TOGARAM1: variants seen among roughly 807,000 people sequenced by gnomAD.
TOGARAM1 encodes TOG array regulator of axonemal microtubules protein 1.
Under a neutral mutation model 166.6 loss-of-function variants are expected in TOGARAM1, and 100 were observed. The observed-to-expected ratio is 0.60, with a 90% confidence interval of 0.51 to 0.71. The LOEUF (loss-of-function observed/expected upper bound fraction) is 0.71, where lower values mean the gene tolerates loss of function less well. Ranked by LOEUF, TOGARAM1 falls within the 30% of genes least tolerant of loss-of-function variation. The probability of loss-of-function intolerance (pLI) is 0.00; values close to 1 mark genes in which losing one functional copy is unlikely to be tolerated. For missense variants in TOGARAM1, 2,029 were observed against 2,102.7 expected, an observed-to-expected ratio of 0.96 and a Z score of 0.69; for synonymous variants, 758 against 763.8, an observed-to-expected ratio of 0.99 and a Z score of 0.13.
chr14:44,974,280 A>G (rs1349906263), intron 1 of TOGARAM1, among the ~76,000 whole-genome samples: 4 of 151,836 alleles, frequency 2.6e-5, no homozygotes, highest in Non-Finnish European at 4.4e-5. Context: ...AGCTATGTCC[A>G]GTTTACTAAT....
At chr14:45,024,050 A>G (rs765335442) in intron 7 of TOGARAM1, among the ~76,000 whole-genome samples, 9 of 152,114 alleles carry the variant, frequency 5.9e-5, no homozygotes, top group Non-Finnish European at 1.3e-4. Context: ...CCCATAGCAT[A>G]ACTTTTAAGA....
At chr14:45,025,650 C>T (rs72672911) in intron 7 of TOGARAM1, 133 bp from the exon 8 acceptor site, 34 of 550,744 alleles carry the variant, frequency 6.2e-5, no homozygotes, top group African/African-American at 4.1e-4. Flanking sequence ...ACTTAATGAA[C>T]GTGTGAATAA....
rs760719137 is a variant in TOGARAM1 at position 44,963,068 on chromosome 14, G to A, written c.647G>A (p.Arg216Lys). 6.2e-7 allele frequency: 1 copy of A among 1,614,174 alleles called. No individual in the cohort carries two copies. The highest frequency in any genetic ancestry group is 1.1e-5 in the South Asian group (1 of 91,084). ...CLKRSPGEVL[R>K]TLIQQGLEST... ...AAACGTAGTCCTGGAGAGGTGCTGA[G>A]AACGCTTATACAACAAGGACTGGAA... Residue 216 changes from arginine to lysine, a missense_variant, in exon 1 of 20, where the codon AGA becomes AAA. Arg to Lys is a conservative substitution (Grantham distance 26). Around this residue, in one of 2 missense-constraint regions of TOGARAM1, gnomAD observed 1,453 missense variants for 1,432.2 expected, o/e 1.01. Coordinates refer to ENST00000361462, the MANE Select transcript of TOGARAM1 (RefSeq NM_001308120.2).
At chr14:44,979,911 T>C (rs1443884411) in intron 1 of TOGARAM1, among the ~76,000 whole-genome samples, 1 of 152,190 alleles carries the variant, frequency 6.6e-6, no homozygotes, top group African/African-American at 2.4e-5. Flanking sequence ...TAAGGCATGA[T>C]ACAAGAGTGT....
At chr14:44,967,819 C>T (rs1184642189) in intron 1 of TOGARAM1, among the ~76,000 whole-genome samples, 2 of 152,060 alleles carry the variant, frequency 1.3e-5, no homozygotes, top group Non-Finnish European at 2.9e-5. Context: ...CTCTATGGTT[C>T]CTTTCAATCC....
intron 1 of TOGARAM1, among the ~76,000 whole-genome samples, chr14:44,971,604 T>G (rs981638302): frequency 6.6e-6 from 1 of 152,210 alleles, no homozygotes; most frequent in African/African-American, 2.4e-5. Context: ...TTTAATTTGC[T>G]CTTCCTTTGT....
chr14:44,998,695 A>G (rs1262051546), intron 2 of TOGARAM1, among the ~76,000 whole-genome samples: 9 of 152,220 alleles, frequency 5.9e-5, no homozygotes, highest in Admixed American at 4.6e-4. Context: ...GCTTGATATG[A>G]TAGGGAGAGA....
intron 10 of TOGARAM1, among the ~76,000 whole-genome samples, chr14:45,031,806 A>G (rs1396498342): frequency 1.3e-5 from 2 of 152,210 alleles, no homozygotes; most frequent in African/African-American, 4.8e-5. Flanking sequence ...TAATAGTACT[A>G]AGTTTCCATA....
intron 14 of TOGARAM1, among the ~76,000 whole-genome samples, chr14:45,052,024 A>G (rs8006685): frequency 0.16 from 24,805 of 152,192 alleles, 3,697 homozygotes; most frequent in African/African-American, 0.4. Flanking sequence ...GCCTACGCTT[A>G]GACAGAATCA....
intron 1 of TOGARAM1, among the ~76,000 whole-genome samples, chr14:44,971,219 A>T (rs1477201057): frequency 5.3e-5 from 8 of 152,144 alleles, no homozygotes; most frequent in Non-Finnish European, 1.0e-4. Flanking sequence ...GTTATTAATT[A>T]TTCAGTTTCT....
intron 14 of TOGARAM1, among the ~76,000 whole-genome samples, chr14:45,047,101 C>T (rs902787122): frequency 1.2e-4 from 19 of 152,056 alleles, no homozygotes; most frequent in African/African-American, 3.4e-4. Context: ...ATGAAAAATA[C>T]AGGAATAAGG....
chr14:45,005,341 C>T (rs1030349288), intron 4 of TOGARAM1, among the ~76,000 whole-genome samples: 8 of 152,122 alleles, frequency 5.3e-5, no homozygotes, highest in African/African-American at 1.9e-4. Context: ...AAAAAGTCGA[C>T]TGAGCGTAGT....
At position 45,052,522 on chromosome 14, in the gene TOGARAM1, T is replaced by C; in HGVS notation, c.4400T>C (p.Leu1467Ser). 1 of 1,612,404 alleles carries C rather than the reference T, an allele frequency of 6.2e-7. No individual in the cohort carries two copies. The highest frequency in any genetic ancestry group is 8.5e-7 in the Non-Finnish European group (1 of 1,179,142). Residue 1467 changes from leucine to serine, a missense_variant, in exon 15 of 20, where the codon TTG (leucine) becomes TCG (serine). This residue lies in a region of TOGARAM1 where 576 missense variants were observed against 670.5 expected (regional missense o/e 0.86). Coordinates refer to ENST00000361462, the MANE Select transcript of TOGARAM1 (RefSeq NM_001308120.2). ...GAAAAGTATGTCCCATCTAAAGATTTGCCATATATTAAGGACTCTGTTAGA... is the reference window on the plus strand; with the variant it reads ...GAAAAGTATGTCCCATCTAAAGATTCGCCATATATTAAGGACTCTGTTAGA... ...MLEKYVPSKD[L>S]PYIKDSVRNL...
rs371253230 is a variant in TOGARAM1, at chr14:44,964,351, A to C, written c.1930A>C (p.Ile644Leu). 3.7e-6 allele frequency: 6 copies of C among 1,614,198 alleles called. No homozygotes were observed. The highest frequency in any genetic ancestry group is 5.1e-6 in the Non-Finnish European group (6 of 1,180,040). Residue 644 changes from isoleucine (I) to leucine (L), a missense_variant, in exon 1 of 20, where the codon ATC becomes CTC. By Grantham distance (5) the Ile-to-Leu change is conservative (BLOSUM62 2). This residue lies in a region of TOGARAM1 where 1,453 missense variants were observed against 1,432.2 expected (regional missense o/e 1.01). Transcript: ENST00000361462. ...CATTTATGGATCTTACAGCCCAACTATCTGTACCCGAAGGGTATTAAGTGC... is the reference window on the plus strand; with the variant it reads ...CATTTATGGATCTTACAGCCCAACTCTCTGTACCCGAAGGGTATTAAGTGC... ...MHIYGSYSPT[I>L]CTRRVLSAGK...
chr14:44,995,701 G>A (rs1397931898), intron 1 of TOGARAM1, 45 bp from the exon 2 acceptor site: 1 of 1,351,290 alleles, frequency 7.4e-7, no homozygotes, highest in Non-Finnish European at 1.0e-6. Context: ...TTATTACCAG[G>A]AAGAATTAAC....
At chr14:44,974,560 T>C (rs1395210494) in intron 1 of TOGARAM1, among the ~76,000 whole-genome samples, 1 of 152,092 alleles carries the variant, frequency 6.6e-6, no homozygotes, top group African/African-American at 2.4e-5. Flanking sequence ...TGCCTTATTA[T>C]TTTTTGTTGA....
At chr14:45,001,652 T>C (rs1887694888) in intron 3 of TOGARAM1, among the ~76,000 whole-genome samples, 1 of 152,170 alleles carries the variant, frequency 6.6e-6, no homozygotes, top group Non-Finnish European at 1.5e-5. Context: ...TATGAAAAGC[T>C]CAACATCACT....
At chr14:45,005,688 C>T (rs1362483443) in intron 4 of TOGARAM1, among the ~76,000 whole-genome samples, 3 of 152,092 alleles carry the variant, frequency 2.0e-5, no homozygotes, top group Non-Finnish European at 4.4e-5. Flanking sequence ...TTTCTTTCCC[C>T]AGCCATTGAT....
rs145009602 is a variant in TOGARAM1, at chr14:45,030,734, G to A, written c.3659-1489G>A. ...CATATTTTACCTTTTTACATTTTTT[G>A]TTAGATATATGATGAATTTTTTGAA... On this transcript the variant is annotated intron_variant, in intron 10 of 19. Coordinates refer to ENST00000361462, the MANE Select transcript of TOGARAM1 (RefSeq NM_001308120.2). Among the ~76,000 whole-genome samples the A allele has an allele frequency of 4.1e-4, 62 of 152,088 alleles. No individual in the cohort carries two copies. In the East Asian group the frequency reaches 0.012, roughly 28 times the overall value.
Sources: gnomAD v4.1 joint callset for allele counts (sites outside exome capture counted in the v4.1 genomes callset) on GRCh38, gnomAD v4.1.1 for gene constraint, gnomAD v4.1.1 regional missense constraint, MANE v1.5 for transcripts, NCBI Gene and HGNC (gene_info 2026-07-23, HGNC 2026-07-21) for gene names.